KHDRBS3: variants seen among roughly 807,000 people sequenced by gnomAD.
The protein encoded by KHDRBS3 is KH RNA binding domain containing, signal transduction associated 3.
KHDRBS3 carries 23 observed loss-of-function variants against 45.6 expected under a neutral mutation model. That is an observed-to-expected ratio of 0.50 (90% CI 0.36 to 0.72). The LOEUF is 0.72. KHDRBS3 is among the 30% of genes least tolerant of loss of function. The probability of loss-of-function intolerance (pLI) is 0.00; values close to 1 mark genes in which losing one functional copy is unlikely to be tolerated. For synonymous variants in KHDRBS3, 162 were observed against 156.5 expected (o/e 1.04, Z -0.26); for missense variants, 352 against 424.8 (o/e 0.83, Z 1.51).
intron 1 of KHDRBS3, among the ~76,000 whole-genome samples, chr8:135,471,675 CAG>C (rs1412123555): frequency 6.6e-6 from 1 of 152,146 alleles, no homozygotes; most frequent in Non-Finnish European, 1.5e-5. Context: ...TCCTGGGCTC[CAG>C]AGTGTGATGG....
At chr8:135,522,647 A>G (rs968503486) in intron 2 of KHDRBS3, among the ~76,000 whole-genome samples, 4 of 152,110 alleles carry the variant, frequency 2.6e-5, no homozygotes, top group African/African-American at 9.7e-5. Context: ...CATTTACCTT[A>G]TGATTGATCA....
chr8:135,470,038 C>T (rs1219561227), intron 1 of KHDRBS3, among the ~76,000 whole-genome samples: 1 of 152,116 alleles, frequency 6.6e-6, no homozygotes, highest in Non-Finnish European at 1.5e-5. Flanking sequence ...ATTCAAAAGT[C>T]GATTTTAAAC....
intron 7 of KHDRBS3, among the ~76,000 whole-genome samples, chr8:135,615,364 GACAC>G (rs752557939): frequency 6.7e-5 from 10 of 149,346 alleles, no homozygotes; most frequent in Admixed American, 1.3e-4. Context: ...TAGTGTATCA[GACAC>G]ACACACACAC....
chr8:135,518,881 TA>T (rs1204696983), intron 1 of KHDRBS3, among the ~76,000 whole-genome samples: 9 of 152,184 alleles, frequency 5.9e-5, no homozygotes, highest in Non-Finnish European at 8.8e-5. Context: ...GGAGAAACCT[TA>T]AAAAAATTTT....
At chr8:135,639,743 G>T (rs774860147) in intron 7 of KHDRBS3, among the ~76,000 whole-genome samples, 1 of 152,174 alleles carries the variant, frequency 6.6e-6, no homozygotes, top group Admixed American at 6.5e-5. Context: ...GAGTGGGAGC[G>T]GAGAAAGAAC....
intron 6 of KHDRBS3, among the ~76,000 whole-genome samples, chr8:135,604,322 G>C (rs1829355881): frequency 6.6e-6 from 1 of 151,468 alleles, no homozygotes; most frequent in Non-Finnish European, 1.5e-5. Flanking sequence ...TTGAACTAAA[G>C]TGTGTCTCTT....
chr8:135,534,908 C>G (rs1825658058), intron 2 of KHDRBS3, among the ~76,000 whole-genome samples: 1 of 152,164 alleles, frequency 6.6e-6, no homozygotes, highest in Admixed American at 6.5e-5. Context: ...TAAGTGGAAG[C>G]TTAAGATACT....
At chr8:135,622,076 T>C (rs536597035) in intron 7 of KHDRBS3, among the ~76,000 whole-genome samples, 1 of 152,146 alleles carries the variant, frequency 6.6e-6, no homozygotes, top group Admixed American at 6.6e-5. Flanking sequence ...TTCCGTATAA[T>C]TACATGCTCT....
rs73712074 is a variant in KHDRBS3, at chr8:135,574,808, T to G, written c.612-7070T>G. Among the ~76,000 whole-genome samples, 423 of 152,314 alleles carry G rather than the reference T, an allele frequency of 2.8e-3. 2 individuals are homozygous for G. Among genetic ancestry groups the G allele is most frequent in the Middle Eastern group, 0.017 (5 of 294 alleles). ...TACAGAAATTATATCACCATTACCG[T>G]TCAGAGTGATTGAAGTTTAAATAAA... On this transcript the variant is annotated intron_variant, in intron 5 of 8. Coordinates refer to ENST00000355849, the MANE Select transcript of KHDRBS3 (RefSeq NM_006558.3).
At chr8:135,513,583 T>G (rs984840514) in intron 1 of KHDRBS3, among the ~76,000 whole-genome samples, 1 of 150,164 alleles carries the variant, frequency 6.7e-6, no homozygotes, top group Non-Finnish European at 1.5e-5. Context: ...TATGTTTTTG[T>G]TTTTTTTTAC....
At chr8:135,563,789 C>T (rs62525188) in intron 5 of KHDRBS3, among the ~76,000 whole-genome samples, 14,912 of 152,210 alleles carry the variant, frequency 0.098, 1,012 homozygotes, top group Non-Finnish European at 0.14. Context: ...AGGATGCTGC[C>T]TTCTGTTCCT....
chr8:135,493,864 G>A (rs925260164), intron 1 of KHDRBS3, among the ~76,000 whole-genome samples: 1 of 152,142 alleles, frequency 6.6e-6, no homozygotes, highest in Admixed American at 6.5e-5. Flanking sequence ...TCTTACATGA[G>A]TTCACCAGTG....
chr8:135,563,438 T>TGAA (rs1827259233), intron 5 of KHDRBS3, among the ~76,000 whole-genome samples: 1 of 152,206 alleles, frequency 6.6e-6, no homozygotes, highest in South Asian at 2.1e-4. Context: ...GCACGCAGTG[T>TGAA]GAAGGGTCCT....
At chr8:135,526,155 C>T (rs573600003) in intron 2 of KHDRBS3, among the ~76,000 whole-genome samples, 2 of 152,024 alleles carry the variant, frequency 1.3e-5, no homozygotes, top group Non-Finnish European at 2.9e-5. Context: ...TAAGTGTACT[C>T]TTTGATGTTT....
chr8:135,467,954 T>G (rs1454412618), intron 1 of KHDRBS3, among the ~76,000 whole-genome samples: 2 of 152,238 alleles, frequency 1.3e-5, no homozygotes, highest in Non-Finnish European at 2.9e-5. Flanking sequence ...TTTCCAACAG[T>G]CATTCCATCT....
chr8:135,552,520 G>A (rs945994144), intron 4 of KHDRBS3, among the ~76,000 whole-genome samples: 2 of 152,060 alleles, frequency 1.3e-5, no homozygotes, highest in African/African-American at 4.8e-5. Context: ...CTGAGTATAG[G>A]TCACGTTTTC....
chr8:135,538,110 C>T (rs561282535), intron 2 of KHDRBS3, among the ~76,000 whole-genome samples: 5 of 152,146 alleles, frequency 3.3e-5, no homozygotes, highest in East Asian at 1.9e-4. Flanking sequence ...GAGGCCAGAA[C>T]GGTGTGGGGC....
intron 1 of KHDRBS3, among the ~76,000 whole-genome samples, chr8:135,515,864 A>G (rs1028248884): frequency 2.0e-5 from 3 of 152,220 alleles, no homozygotes; most frequent in Non-Finnish European, 4.4e-5. Context: ...TACCCTATCT[A>G]CTTTGTCCTC....
intron 4 of KHDRBS3, among the ~76,000 whole-genome samples, chr8:135,654,710 G>A (rs1000524454): frequency 2.0e-5 from 3 of 152,170 alleles, no homozygotes; most frequent in East Asian, 1.9e-4. Flanking sequence ...ACATCAGCAA[G>A]TGTATTGTTA....
Sources: allele counts gnomAD v4.1 joint callset (sites outside exome capture counted in the v4.1 genomes callset), GRCh38; gene constraint gnomAD v4.1.1; transcripts MANE v1.5; gene names NCBI Gene and HGNC (gene_info 2026-07-23, HGNC 2026-07-21).